The following SLC35D4 variants were observed in gnomAD, a reference collection of about 807,000 sequenced individuals.
SLC35D4 encodes solute carrier family 35 member D4.
chr18:23,242,705 G>C, the SLC35D4 span, among the ~76,000 whole-genome samples: 10 of 150,048 alleles, frequency 6.7e-5, no homozygotes. Flanking sequence ...AAAGAAAACC[G>C]ACTAACATTG....
chr18:23,317,121 C>T, the SLC35D4 span, among the ~76,000 whole-genome samples: 4 of 151,386 alleles, frequency 2.6e-5, no homozygotes, highest in African/African-American at 9.7e-5. Flanking sequence ...TAGTTCTCAG[C>T]CCTGATGGCA....
At chr18:23,297,661 GGC>G in the SLC35D4 span, 5 of 262,582 alleles carry the variant, frequency 1.9e-5, no homozygotes, top group East Asian at 4.1e-4. Context: ...GCTCAGTCGA[GGC>G]GAGCAGAGCC....
At chr18:23,394,627 G>A in the SLC35D4 span, among the ~76,000 whole-genome samples, 2 of 151,936 alleles carry the variant, frequency 1.3e-5, no homozygotes, top group Admixed American at 1.3e-4. Context: ...AGAAATCCTT[G>A]CCAAATCCAA....
the SLC35D4 span, among the ~76,000 whole-genome samples, chr18:23,300,829 C>G: frequency 6.6e-6 from 1 of 152,248 alleles, no homozygotes; most frequent in South Asian, 2.1e-4. Context: ...ATATCCATCA[C>G]TAGCTTCTCT....
the SLC35D4 span, among the ~76,000 whole-genome samples, chr18:23,435,886 G>T: frequency 6.6e-6 from 1 of 151,942 alleles, no homozygotes; most frequent in Non-Finnish European, 1.5e-5. Flanking sequence ...AGTAGAGATG[G>T]GGTTTCACCA....
the SLC35D4 span, among the ~76,000 whole-genome samples, chr18:23,390,980 C>G: frequency 6.6e-6 from 1 of 152,156 alleles, no homozygotes; most frequent in African/African-American, 2.4e-5. Context: ...AATCCCAGCA[C>G]TTTGAGAGGC....
At chr18:23,386,191 T>C in the SLC35D4 span, among the ~76,000 whole-genome samples, 1 of 150,870 alleles carries the variant, frequency 6.6e-6, no homozygotes, top group African/African-American at 2.4e-5. Context: ...TTCCAATCCC[T>C]GGAACCTGTA....
chr18:23,329,686 C>A, the SLC35D4 span, among the ~76,000 whole-genome samples: 1 of 152,136 alleles, frequency 6.6e-6, no homozygotes, highest in Admixed American at 6.5e-5. Context: ...TACCATTTGA[C>A]CCAGCAATCC....
the SLC35D4 span, among the ~76,000 whole-genome samples, chr18:23,326,261 T>G: frequency 6.6e-6 from 1 of 152,010 alleles, no homozygotes; most frequent in Non-Finnish European, 1.5e-5. Flanking sequence ...GACTGGCAAA[T>G]TGGATAAAGA....
At chr18:23,263,134 A>G in the SLC35D4 span, among the ~76,000 whole-genome samples, 1 of 152,216 alleles carries the variant, frequency 6.6e-6, no homozygotes, top group Non-Finnish European at 1.5e-5. Flanking sequence ...CACGATTATG[A>G]AGTGACAAAG....
the SLC35D4 span, among the ~76,000 whole-genome samples, chr18:23,249,792 C>T: frequency 6.6e-6 from 1 of 152,090 alleles, no homozygotes; most frequent in African/African-American, 2.4e-5. Context: ...GCGATCTTCT[C>T]GGACATCCTG....
chr18:23,298,738 C>T, the SLC35D4 span, among the ~76,000 whole-genome samples: 3 of 152,158 alleles, frequency 2.0e-5, no homozygotes, highest in Non-Finnish European at 4.4e-5. Context: ...ATCTGAATCC[C>T]GTTAGTCTTC....
the SLC35D4 span, among the ~76,000 whole-genome samples, chr18:23,305,223 G>T: frequency 6.6e-6 from 1 of 152,194 alleles, no homozygotes; most frequent in Admixed American, 6.5e-5. Context: ...TCTTGTCCTG[G>T]GTGACGCTCT....
chr18:23,408,736 T>C, the SLC35D4 span, among the ~76,000 whole-genome samples: 1 of 151,878 alleles, frequency 6.6e-6, no homozygotes, highest in Non-Finnish European at 1.5e-5. Flanking sequence ...AAAACACACA[T>C]ATTTTCCTTC....
At chr18:23,356,981 C>G in the SLC35D4 span, among the ~76,000 whole-genome samples, 1 of 152,144 alleles carries the variant, frequency 6.6e-6, no homozygotes, top group Non-Finnish European at 1.5e-5. The surrounding 1 kb of genome is among the most constrained non-coding windows in gnomAD (Gnocchi z 4.1). Flanking sequence ...TAAACTAAGG[C>G]TCAGAGAAGT....
the SLC35D4 span, among the ~76,000 whole-genome samples, chr18:23,322,567 C>T: frequency 2.0e-5 from 3 of 152,296 alleles, no homozygotes; most frequent in Middle Eastern, 3.4e-3. Flanking sequence ...CTGAGAAGGC[C>T]ATATTCATAG....
At chr18:23,250,572 T>C in the SLC35D4 span, among the ~76,000 whole-genome samples, 2 of 152,212 alleles carry the variant, frequency 1.3e-5, no homozygotes, top group East Asian at 1.9e-4. Flanking sequence ...GAAATAAACC[T>C]GTCTTGGAGG....
chr18:23,309,154 C>T, the SLC35D4 span, among the ~76,000 whole-genome samples: 1 of 151,504 alleles, frequency 6.6e-6, no homozygotes, highest in African/African-American at 2.4e-5. Context: ...GCAACCATTG[C>T]AGGCCTAAAC....
the SLC35D4 span, among the ~76,000 whole-genome samples, chr18:23,423,512 T>C: frequency 1.3e-5 from 2 of 152,172 alleles, no homozygotes; most frequent in African/African-American, 2.4e-5. Context: ...CATCCTACAA[T>C]GTGCAGGGCA....
Sources: gnomAD v4.1 joint callset for allele counts (sites outside exome capture counted in the v4.1 genomes callset) on GRCh38, gnomAD v4.1.1 for gene constraint, Gnocchi (gnomAD v3.1) non-coding constraint, MANE v1.5 for transcripts, NCBI Gene and HGNC (gene_info 2026-07-23, HGNC 2026-07-21) for gene names.